PXDNL: variants seen among roughly 807,000 people sequenced by gnomAD.
PXDNL encodes probable oxidoreductase PXDNL.
PXDNL carries 145 observed loss-of-function variants against 150.8 expected under a neutral mutation model. The ratio of observed to expected loss-of-function variants is 0.96; its 90% CI spans 0.84 to 1.10. The LOEUF (loss-of-function observed/expected upper bound fraction) is 1.10, where lower values mean the gene tolerates loss of function less well. Among genes scored for constraint, PXDNL ranks in the 50% least tolerant of loss-of-function variants. The pLI is 0.00. For missense variants in PXDNL, 2,087 were observed against 1,873.9 expected, an observed-to-expected ratio of 1.11 and a Z score of -2.10; for synonymous variants, 757 against 725.7, an observed-to-expected ratio of 1.04 and a Z score of -0.69.
At chr8:51,542,695 A>C (rs1812246957) in intron 4 of PXDNL, among the ~76,000 whole-genome samples, 2 of 152,006 alleles carry the variant, frequency 1.3e-5, no homozygotes, top group Admixed American at 1.3e-4. Context: ...CTGTAATCCC[A>C]GCTACTCAGG....
chr8:51,379,016 G>A (rs1372110759), intron 17 of PXDNL, among the ~76,000 whole-genome samples: 1 of 152,098 alleles, frequency 6.6e-6, no homozygotes, highest in East Asian at 1.9e-4. Context: ...CTGGGTTCAA[G>A]GGCTCCTCTT....
At chr8:51,374,210 G>A (rs998930580) in intron 18 of PXDNL, among the ~76,000 whole-genome samples, 6 of 152,132 alleles carry the variant, frequency 3.9e-5, no homozygotes, top group Non-Finnish European at 4.4e-5. Flanking sequence ...GGCTGCAGAC[G>A]TCCTATGGAA....
intron 17 of PXDNL, among the ~76,000 whole-genome samples, chr8:51,386,039 G>T (rs1000393555): frequency 2.0e-5 from 3 of 151,954 alleles, no homozygotes; most frequent in Non-Finnish European, 4.4e-5. Context: ...ACGAATAAAA[G>T]AATAGCTCTC....
At chr8:51,469,315 T>C (rs1349956969) in intron 8 of PXDNL, among the ~76,000 whole-genome samples, 1 of 152,090 alleles carries the variant, frequency 6.6e-6, no homozygotes, top group Non-Finnish European at 1.5e-5. Flanking sequence ...AGATTTATTT[T>C]TTAAATCCTA....
At chr8:51,613,441 T>G (rs1365264428) in intron 2 of PXDNL, among the ~76,000 whole-genome samples, 2 of 122,854 alleles carry the variant, frequency 1.6e-5, no homozygotes. Context: ...ACCCAGAGAT[T>G]TTAGGTAAAG....
At position 51,546,898 on chromosome 8, in the gene PXDNL, C is replaced by A. The variant is rs1812371763; in HGVS notation, c.380+9942G>T. Among the ~76,000 whole-genome samples the A allele has an allele frequency of 3.3e-5, 5 of 152,226 alleles. No individual in the cohort carries two copies. The South Asian group carries it at 1.0e-3, about 32-fold the overall frequency. ...TGGCTTCCCCCAGTTCTCTGAAAACCTGAATGAAGCAGCAGAGGCATTCAT... is the reference window on the plus strand; with the variant it reads ...TGGCTTCCCCCAGTTCTCTGAAAACATGAATGAAGCAGCAGAGGCATTCAT... On this transcript the variant is annotated intron_variant, in intron 4 of 22. Coordinates refer to ENST00000356297, the MANE Select transcript of PXDNL (RefSeq NM_144651.5).
At chr8:51,355,865 A>T (rs1185676439) in intron 19 of PXDNL, among the ~76,000 whole-genome samples, 1 of 152,238 alleles carries the variant, frequency 6.6e-6, no homozygotes. Flanking sequence ...AGACTGTTGC[A>T]TTTGCAATTT....
At chr8:51,598,797 G>T (rs1002219810) in intron 2 of PXDNL, among the ~76,000 whole-genome samples, 1 of 152,020 alleles carries the variant, frequency 6.6e-6, no homozygotes, top group Admixed American at 6.6e-5. Flanking sequence ...TCTAACATAG[G>T]TTTGAGCAGA....
chr8:51,338,559 T>C (rs1235498706), intron 21 of PXDNL, among the ~76,000 whole-genome samples: 2 of 152,260 alleles, frequency 1.3e-5, no homozygotes, highest in Middle Eastern at 3.2e-3. Flanking sequence ...CAGCCTGGGC[T>C]CAGCCCATCC....
intron 3 of PXDNL, among the ~76,000 whole-genome samples, chr8:51,575,879 T>A (rs1433736525): frequency 6.6e-6 from 1 of 151,680 alleles, no homozygotes; most frequent in Non-Finnish European, 1.5e-5. Context: ...TCTATTAATA[T>A]CAGATAAAGT....
chr8:51,331,576 C>A (rs1460148542), intron 21 of PXDNL, among the ~76,000 whole-genome samples: 1 of 152,036 alleles, frequency 6.6e-6, no homozygotes, highest in South Asian at 2.1e-4. Context: ...AGGCAGAAAG[C>A]CTGAAAGCTT....
At chr8:51,800,712 G>A (rs1179473188) in intron 1 of PXDNL, among the ~76,000 whole-genome samples, 1 of 152,098 alleles carries the variant, frequency 6.6e-6, no homozygotes, top group Non-Finnish European at 1.5e-5. Context: ...TGCAATCTCT[G>A]AACATAAATT....
intron 3 of PXDNL, among the ~76,000 whole-genome samples, chr8:51,568,472 A>G (rs889244039): frequency 1.3e-5 from 2 of 151,828 alleles, no homozygotes; most frequent in Non-Finnish European, 2.9e-5. Flanking sequence ...AGTCCAGTGT[A>G]ATTTGTATCC....
Position 51,453,547 on chromosome 8 carries a change from A to C in PXDNL, c.1221T>G (p.Val407=), listed in dbSNP as rs1809856199. 1 of 1,613,880 alleles carries C rather than the reference A, an allele frequency of 6.2e-7. No homozygotes were observed. Among genetic ancestry groups the C allele is most frequent in the Admixed American group, 1.7e-5 (1 of 60,006 alleles). Residue 407 remains valine, a synonymous_variant, in exon 10 of 23, where the codon GTT becomes GTG. Transcript: ENST00000356297. The part of the protein sequence containing the change: ...TCHANNSHGT[V]QAAANIIVQA... ...GTACAATTATGTTTGCTGCAGCTTG[A>C]ACAGTGCCGTGGCTATTGTTGGCAT...
chr8:51,726,570 C>G (rs1336484262), intron 1 of PXDNL, among the ~76,000 whole-genome samples: 2 of 152,192 alleles, frequency 1.3e-5, no homozygotes, highest in Non-Finnish European at 1.5e-5. Context: ...TTTTATTCAT[C>G]ACTATTCTTT....
chr8:51,617,681 T>C (rs148824784), intron 2 of PXDNL, among the ~76,000 whole-genome samples: 228 of 152,094 alleles, frequency 1.5e-3, no homozygotes, highest in African/African-American at 5.2e-3. Context: ...TAACATTCCA[T>C]TTTTTTTGTC....
intron 3 of PXDNL, among the ~76,000 whole-genome samples, chr8:51,575,354 T>A (rs906233427): frequency 1.3e-5 from 2 of 151,168 alleles, no homozygotes; most frequent in East Asian, 2.0e-4. Context: ...AGGGAGAAAA[T>A]AAACAGAAAA....
At chr8:51,359,630 C>T (rs1456663632) in intron 19 of PXDNL, among the ~76,000 whole-genome samples, 2 of 152,088 alleles carry the variant, frequency 1.3e-5, no homozygotes, top group Non-Finnish European at 2.9e-5. Flanking sequence ...TAAATTTCCC[C>T]TTGTTGAAGA....
At chr8:51,452,924 G>GAACACACACAAACACATA (rs1554541843) in intron 10 of PXDNL, among the ~76,000 whole-genome samples, 1 of 61,284 alleles carries the variant, frequency 1.6e-5, no homozygotes, top group Admixed American at 1.8e-4. Flanking sequence ...ACACACAAAC[G>GAACACACACAAACACATA]CACACACACA....
Sources: allele counts gnomAD v4.1 joint callset (sites outside exome capture counted in the v4.1 genomes callset), GRCh38; gene constraint gnomAD v4.1.1; transcripts MANE v1.5; gene names NCBI Gene and HGNC (gene_info 2026-07-23, HGNC 2026-07-21).